Variants in ERBB4 observed in about 807,000 individuals in gnomAD.
ERBB4 encodes erb-b2 receptor tyrosine kinase 4.
In ERBB4, 42 loss-of-function variants were observed where a neutral mutation model predicts 158.0. The observed-to-expected ratio is 0.27, with a 90% CI of 0.21 to 0.34. The LOEUF is 0.34. Among genes scored for constraint, ERBB4 ranks in the 10% least tolerant of loss-of-function variants. The pLI is 1.00. For synonymous variants in ERBB4, 583 were observed against 558.7 expected, an observed-to-expected ratio of 1.04 and a Z score of -0.61; for missense variants, 1,333 against 1,624.1, an observed-to-expected ratio of 0.82 and a Z score of 3.08.
At chr2:212,168,808 C>T (rs17416620) in intron 1 of ERBB4, among the ~76,000 whole-genome samples, 16,612 of 152,074 alleles carry the variant, frequency 0.11, 1,068 homozygotes, top group Non-Finnish European at 0.14. Context: ...GCTAATGAGG[C>T]CCATGCCTGA....
intron 3 of ERBB4, among the ~76,000 whole-genome samples, chr2:211,817,513 T>A (rs1187444206): frequency 6.6e-6 from 1 of 152,184 alleles, no homozygotes; most frequent in Admixed American, 6.5e-5. Context: ...AGGACAAAAC[T>A]TTGAAAAGGT....
chr2:212,538,641 G>C lies in ERBB4; in HGVS notation c.-111C>G. 4 of 1,126,720 alleles carry C rather than the reference G, an allele frequency of 3.6e-6. No individual in the cohort carries two copies. The highest frequency in any genetic ancestry group is 5.3e-6 in the Non-Finnish European group (4 of 761,812). The allele number at this position is 1,126,720 out of a possible 1,614,324, so 69.8% of individuals were successfully genotyped here. A position where few individuals can be genotyped will look rare whatever the true frequency, so the allele number is the denominator to read the frequency against. On this transcript the variant is annotated 5_prime_UTR_variant, in exon 1 of 28. Transcript: ENST00000342788. The stretch of plus-strand genomic sequence containing the variant: ...CCGGGCGCGCGTGGGGGTGCGAGGG[G>C]GGCGGGCGCGGCGCGCGCGGTGTGG...
intron 20 of ERBB4, among the ~76,000 whole-genome samples, chr2:211,486,180 T>C (rs2065200598): frequency 6.6e-6 from 1 of 152,174 alleles, no homozygotes. Flanking sequence ...ATCTGCTAAC[T>C]GTGGATTCAA....
Position 211,382,042 on chromosome 2 carries a change from A to C in ERBB4, c.*1573T>G, listed in dbSNP as rs1374329807. 5 of 229,348 alleles carry C rather than the reference A, an allele frequency of 2.2e-5. No homozygotes were observed. The highest frequency in any genetic ancestry group is 1.1e-4 in the African/African-American group (5 of 45,146). The allele number at this position is 229,348 out of a possible 1,614,324, so 14.2% of individuals were successfully genotyped here. A position where few individuals can be genotyped will look rare whatever the true frequency, so the allele number is the denominator to read the frequency against. On this transcript the variant is annotated 3_prime_UTR_variant, in exon 28 of 28. Coordinates refer to ENST00000342788, the MANE Select transcript of ERBB4 (RefSeq NM_005235.3). ...ATGCAGTATATGAAGAAAGGGAATT[A>C]TATAAAGTATCAAAAGATTAGTGTG... is the stretch of plus-strand genomic sequence containing the variant.
At chr2:211,957,446 T>G (rs561661411) in intron 2 of ERBB4, among the ~76,000 whole-genome samples, 1 of 152,294 alleles carries the variant, frequency 6.6e-6, no homozygotes, top group South Asian at 2.1e-4. Context: ...ATATCTGTTG[T>G]TTAAGCCACC....
chr2:211,486,299 A>C (rs996688306), intron 20 of ERBB4, among the ~76,000 whole-genome samples: 25 of 152,154 alleles, frequency 1.6e-4, no homozygotes, highest in African/African-American at 6.0e-4. Flanking sequence ...TTAATAAATG[A>C]GAAACAATAT....
chr2:211,768,815 G>C (rs527395904), intron 4 of ERBB4, among the ~76,000 whole-genome samples: 3 of 149,992 alleles, frequency 2.0e-5, no homozygotes, highest in Non-Finnish European at 4.5e-5. Context: ...CCTCTGACAT[G>C]CCCTGGAGAC....
intron 1 of ERBB4, among the ~76,000 whole-genome samples, chr2:212,411,157 T>A (rs1360375322): frequency 2.0e-5 from 3 of 152,118 alleles, no homozygotes; most frequent in Admixed American, 6.6e-5. Context: ...AAAATATCAT[T>A]ATTTATATTT....
At chr2:212,025,175 A>G (rs920630873) in intron 2 of ERBB4, among the ~76,000 whole-genome samples, 1 of 151,854 alleles carries the variant, frequency 6.6e-6, no homozygotes, top group Non-Finnish European at 1.5e-5. Context: ...TAGGATTTAC[A>G]GAGTAGAATG....
chr2:211,798,809 A>G (rs1480182562), intron 3 of ERBB4, among the ~76,000 whole-genome samples: 2 of 152,162 alleles, frequency 1.3e-5, no homozygotes, highest in Non-Finnish European at 2.9e-5. Context: ...AAGTTAGTTA[A>G]TTAAAAAATT....
intron 14 of ERBB4, among the ~76,000 whole-genome samples, chr2:211,669,415 T>C (rs941990413): frequency 6.6e-6 from 1 of 152,064 alleles, no homozygotes; most frequent in African/African-American, 2.4e-5. Flanking sequence ...ATCAGTTCCC[T>C]TACTATTTTT....
intron 16 of ERBB4, among the ~76,000 whole-genome samples, chr2:211,634,866 T>C (rs745552906): frequency 6.6e-6 from 1 of 151,982 alleles, no homozygotes; most frequent in Non-Finnish European, 1.5e-5. Flanking sequence ...TTAGTAGAGA[T>C]GGGGTTTCAC....
intron 1 of ERBB4, among the ~76,000 whole-genome samples, chr2:212,249,949 T>C (rs948778646): frequency 1.3e-5 from 2 of 151,992 alleles, no homozygotes; most frequent in Non-Finnish European, 2.9e-5. Context: ...CCAAAATCAG[T>C]TGCACGATGT....
Position 212,315,046 on chromosome 2 carries a change from G to A in ERBB4, c.83-190143C>T, listed in dbSNP as rs575735202. Among the ~76,000 whole-genome samples the A allele has an allele frequency of 2.6e-5, 4 of 151,400 alleles. No individual in the cohort carries two copies. In the South Asian group the frequency reaches 6.2e-4, roughly 24 times the overall value. On this transcript the variant is annotated intron_variant, in intron 1 of 27. Coordinates refer to ENST00000342788, the MANE Select transcript of ERBB4 (RefSeq NM_005235.3). ...TTACTGAAGTCATGAGGGAACAGGA[G>A]CTTTGAGCATTATTACACACCAAAA... is the stretch of plus-strand genomic sequence containing the variant.
At chr2:211,667,286 G>A (rs72945023) in intron 14 of ERBB4, among the ~76,000 whole-genome samples, 11,147 of 151,806 alleles carry the variant, frequency 0.073, 623 homozygotes, top group Non-Finnish European at 0.11. Context: ...TCAGAAAATC[G>A]AGAAATACAA....
chr2:211,570,686 A>C (rs1240002940), intron 19 of ERBB4, among the ~76,000 whole-genome samples: 4 of 152,172 alleles, frequency 2.6e-5, no homozygotes, highest in East Asian at 1.9e-4. Context: ...AACTACAAGG[A>C]CATATATGTG....
chr2:211,717,285 T>C (rs2073950569), intron 7 of ERBB4, among the ~76,000 whole-genome samples: 1 of 152,152 alleles, frequency 6.6e-6, no homozygotes, highest in South Asian at 2.1e-4. Context: ...TGGTACATGG[T>C]GACATATAGG....
In ERBB4 at chr2:211,874,211, T is replaced by C. The variant is rs1056795010; in HGVS notation, c.421+73219A>G. ...ATTTTTTTTCTCATTTTGCTAGTTATATCTATTTACACTGAAGAATAAAGA... is the reference window on the plus strand; with the variant it reads ...ATTTTTTTTCTCATTTTGCTAGTTACATCTATTTACACTGAAGAATAAAGA... On this transcript the variant is annotated intron_variant, in intron 3 of 27. Transcript: ENST00000342788. Among the ~76,000 whole-genome samples, 3 of 152,252 alleles carry C rather than the reference T, an allele frequency of 2.0e-5. No homozygotes were observed. The Middle Eastern group carries it at 0.01, about 518-fold the overall frequency.
Position 212,498,406 on chromosome 2 carries a change from G to T in ERBB4, c.82+40043C>A, listed in dbSNP as rs16848719. 6.1e-4 allele frequency among the ~76,000 whole-genome samples: 93 copies of T among 152,126 alleles called. 3 individuals are homozygous for T. In the South Asian group the frequency reaches 0.019, roughly 31 times the overall value. On this transcript the variant is annotated intron_variant, in intron 1 of 27. Coordinates refer to ENST00000342788, the MANE Select transcript of ERBB4 (RefSeq NM_005235.3). ...TAAATCCTAAAATCTATTAGAATAT[G>T]CTTTAGCCAATGTAGAATAAATAAT...
Sources: allele counts gnomAD v4.1 joint callset (sites outside exome capture counted in the v4.1 genomes callset), GRCh38; gene constraint gnomAD v4.1.1; transcripts MANE v1.5; gene names NCBI Gene and HGNC (gene_info 2026-07-23, HGNC 2026-07-21).